The following MYH11 variants were observed in gnomAD, a reference collection of about 807,000 sequenced individuals.
MYH11 encodes the protein myosin heavy chain 11, also known as myosin-11.
Under a neutral mutation model 246.6 loss-of-function variants are expected in MYH11, and 80 were observed. The observed-to-expected ratio is 0.32, with a 90% confidence interval of 0.27 to 0.39. The LOEUF is 0.39. Ranked by LOEUF, MYH11 falls within the 10% of genes least tolerant of loss-of-function variation. The pLI, the probability that MYH11 is intolerant of heterozygous loss-of-function variation, is 1.00. For missense variants in MYH11, 2,158 were observed against 2,546.8 expected (o/e 0.85, Z 3.29); for synonymous variants, 1,071 against 1,015.5 (o/e 1.05, Z -1.04).
At chr16:15,719,169 T>G in intron 36 of MYH11, 51 bp downstream of exon 36, 1 of 1,536,156 alleles carries the variant, frequency 6.5e-7, no homozygotes, top group Non-Finnish European at 9.0e-7. Flanking sequence ...GGATGCTGCC[T>G]GTCCCCCCAT....
intron 2 of MYH11, among the ~76,000 whole-genome samples, chr16:15,825,551 CCT>C (rs1400505537): frequency 6.6e-6 from 1 of 151,798 alleles, no homozygotes; most frequent in Non-Finnish European, 1.5e-5. Flanking sequence ...AGAGCAAGAC[CCT>C]GTCTTGAAAT....
intron 2 of MYH11, among the ~76,000 whole-genome samples, chr16:15,826,996 CAAAAAAAAAAA>C (rs10573425): frequency 5.2e-5 from 3 of 57,982 alleles, no homozygotes; most frequent in Non-Finnish European, 1.1e-4. Flanking sequence ...GAACCCATCT[CAAAAAAAAAAA>C]AAAAAAAAAA....
At chr16:15,751,458 C>T (rs949201261) in intron 15 of MYH11, among the ~76,000 whole-genome samples, 1 of 150,944 alleles carries the variant, frequency 6.6e-6, no homozygotes, top group South Asian at 2.1e-4. Context: ...CTACCGCGCC[C>T]GGCCATCATC....
chr16:15,739,673 C>G (rs574289127), intron 23 of MYH11, among the ~76,000 whole-genome samples: 38 of 152,224 alleles, frequency 2.5e-4, no homozygotes, highest in African/African-American at 7.9e-4. Flanking sequence ...GCTTTGAGAA[C>G]TGAAAGTCCC....
chr16:15,799,447 A>C (rs1818982145), intron 3 of MYH11, among the ~76,000 whole-genome samples: 1 of 152,160 alleles, frequency 6.6e-6, no homozygotes, highest in African/African-American at 2.4e-5. Context: ...TCCCACTGCA[A>C]CTGTGAGCTC....
rs181678547 is a variant in MYH11, at chr16:15,803,917, G to A, written c.503-5230C>T. Among the ~76,000 whole-genome samples, 141 of 152,274 alleles carry A rather than the reference G, an allele frequency of 9.3e-4. 1 individual carries two copies. Among genetic ancestry groups the A allele is most frequent in the African/African-American group, 3.3e-3 (137 of 41,560 alleles). ...CAAAAACACACCACTTCCAGGCGTG[G>A]GAAGCTTGCAGGGTGCTGGTTACGA... is the stretch of plus-strand genomic sequence containing the variant. On this transcript the variant is annotated intron_variant, in intron 3 of 40. Transcript: ENST00000300036.
At chr16:15,790,858 A>C (rs2042591200) in intron 4 of MYH11, 1 of 151,700 alleles carries the variant, frequency 6.6e-6, no homozygotes, top group Non-Finnish European at 1.5e-5. Flanking sequence ...TGTGACCTGT[A>C]CCGTCTCACA....
At chr16:15,725,024 C>A in intron 28 of MYH11, 32 bp from the exon 29 acceptor site, 1 of 1,590,860 alleles carries the variant, frequency 6.3e-7, no homozygotes. Flanking sequence ...TTAGTCAAAG[C>A]CTCTAGAAGG....
At chr16:15,735,636 A>C in intron 25 of MYH11, 58 bp from the exon 26 acceptor site, 1 of 1,588,838 alleles carries the variant, frequency 6.3e-7, no homozygotes, top group Non-Finnish European at 8.6e-7. Context: ...CCTCTCTTAC[A>C]ATGTGGCCAA....
chr16:15,826,919 G>A (rs2151366765), intron 2 of MYH11, among the ~76,000 whole-genome samples: 1 of 150,320 alleles, frequency 6.7e-6, no homozygotes, highest in Non-Finnish European at 1.5e-5. Flanking sequence ...CTTGAACCTG[G>A]GAGGTGGAGG....
chr16:15,782,378 T>C lies in MYH11; in HGVS notation c.726+7A>G, dbSNP rs1046382297. On this transcript the variant is annotated splice_region_variant and intron_variant, in intron 6 of 40. Transcript: ENST00000300036. ...TTCTGGAAAATCCATGTGGCTTTGCTACTTACGAATCGTGAGGAGTTGTCG... is the reference window on the plus strand; with the variant it reads ...TTCTGGAAAATCCATGTGGCTTTGCCACTTACGAATCGTGAGGAGTTGTCG... 3.3e-5 allele frequency: 54 copies of C among 1,613,224 alleles called. No homozygotes were observed. Among genetic ancestry groups the C allele is most frequent in the Non-Finnish European group, 4.5e-5 (53 of 1,179,290 alleles).
At chr16:15,741,184 G>T (rs1031447506) in intron 22 of MYH11, 2 of 582,512 alleles carry the variant, frequency 3.4e-6, no homozygotes. Context: ...GTTTTGTTAT[G>T]TAGCAATAGC....
chr16:15,735,015 A>G (rs1234749365), intron 26 of MYH11, among the ~76,000 whole-genome samples: 1 of 151,968 alleles, frequency 6.6e-6, no homozygotes, highest in Non-Finnish European at 1.5e-5. Flanking sequence ...CTCCATCTCT[A>G]CTAAAAACAA....
intron 40 of MYH11, among the ~76,000 whole-genome samples, chr16:15,708,565 T>A (rs1372603074): frequency 6.6e-6 from 1 of 152,216 alleles, no homozygotes; most frequent in Non-Finnish European, 1.5e-5. Context: ...TTGGGTGTCA[T>A]GTCACATGTG....
At chr16:15,721,353 G>A (rs143935120) in intron 32 of MYH11, 69 bp downstream of exon 32, 16 of 1,523,314 alleles carry the variant, frequency 1.1e-5, no homozygotes, top group Middle Eastern at 1.8e-4. Flanking sequence ...AGCCTCGCAT[G>A]GACTGGTGAA....
intron 4 of MYH11, among the ~76,000 whole-genome samples, chr16:15,789,369 C>A (rs940568016): frequency 6.6e-6 from 1 of 152,174 alleles, no homozygotes; most frequent in South Asian, 2.1e-4. Context: ...TTTACTCTAC[C>A]CAGCAATCTA....
At chr16:15,710,436 G>A (rs1016453888) in intron 40 of MYH11, among the ~76,000 whole-genome samples, 3 of 152,202 alleles carry the variant, frequency 2.0e-5, no homozygotes, top group Admixed American at 6.5e-5. Flanking sequence ...CAGGAGAATC[G>A]CTTGAACCTG....
rs146822558 is a variant in MYH11 at position 15,757,728 on chromosome 16, C to T, written c.1575+99G>A. On this transcript the variant is annotated intron_variant, in intron 13 of 40. Transcript: ENST00000300036. ...GGGTGATGGATTGGGTGGGGGAATG[C>T]TATGTGCATGGGGAGAGTGTGGGGT... is the stretch of plus-strand genomic sequence containing the variant. The T allele has an allele frequency of 1.0e-3, 1,469 of 1,461,292 alleles. 12 individuals are homozygous for T. In the African/African-American group the frequency reaches 0.019, roughly 19 times the overall value. 90.5% of individuals were successfully genotyped at this position (1,461,292 alleles called of 1,614,324 possible). A position where few individuals can be genotyped will look rare whatever the true frequency, so the allele number is the denominator to read the frequency against.
At chr16:15,805,642 T>C (rs911333429) in intron 3 of MYH11, among the ~76,000 whole-genome samples, 1 of 152,238 alleles carries the variant, frequency 6.6e-6, no homozygotes, top group African/African-American at 2.4e-5. Context: ...CCGGCGGCCA[T>C]GGCTCATGCC....
Sources: gnomAD v4.1 joint callset for allele counts (sites outside exome capture counted in the v4.1 genomes callset) on GRCh38, gnomAD v4.1.1 for gene constraint, MANE v1.5 for transcripts, NCBI Gene and HGNC (gene_info 2026-07-23, HGNC 2026-07-21) for gene names.